FKTN: variants seen among roughly 807,000 people sequenced by gnomAD.
FKTN encodes the protein fukutin.
A neutral mutation model predicts 58.6 loss-of-function variants in FKTN; 47 were observed. That is an observed-to-expected ratio of 0.80 (90% CI 0.63 to 1.02). The LOEUF is 1.02. Ranked by LOEUF, FKTN falls within the 50% of genes least tolerant of loss-of-function variation. The pLI is 0.00. For missense variants in FKTN, 516 were observed against 537.3 expected (o/e 0.96, Z 0.39); for synonymous variants, 178 against 191.9 (o/e 0.93, Z 0.60).
chr9:105,562,320 C>G (rs552851754), intron 1 of FKTN, among the ~76,000 whole-genome samples: 1 of 152,276 alleles, frequency 6.6e-6, no homozygotes, highest in East Asian at 1.9e-4. Flanking sequence ...ATGAGGGCTG[C>G]TGGTTGGCTG....
intron 1 of FKTN, among the ~76,000 whole-genome samples, chr9:105,563,633 G>A (rs1479666947): frequency 6.6e-6 from 1 of 152,054 alleles, no homozygotes; most frequent in Non-Finnish European, 1.5e-5. Context: ...TGAGGCTTGA[G>A]TAGATAAACA....
chr9:105,603,638 C>A (rs1828302475), intron 5 of FKTN: 1 of 152,706 alleles, frequency 6.5e-6, no homozygotes, highest in Non-Finnish European at 1.5e-5. Flanking sequence ...CATTCTCATT[C>A]CAAGGAAGGG....
intron 3 of FKTN, among the ~76,000 whole-genome samples, chr9:105,595,085 G>T (rs1361715004): frequency 6.6e-6 from 1 of 152,088 alleles, no homozygotes; most frequent in Non-Finnish European, 1.5e-5. Context: ...GATGTAAAAG[G>T]CCACATATAT....
Position 105,640,084 on chromosome 9 carries a change from G to A in FKTN, c.*4820G>A, listed in dbSNP as rs1834317936. ...TTCTACTTTCTGCCCTCAAATTTCT[G>A]TTTCTATCTCAACTAGGCAAGAATC... is the stretch of plus-strand genomic sequence containing the variant. On this transcript the variant is annotated 3_prime_UTR_variant, in exon 11 of 11. Coordinates refer to ENST00000357998, the MANE Select transcript of FKTN (RefSeq NM_001079802.2). The A allele has an allele frequency of 1.3e-6, 2 of 1,535,038 alleles. No individual in the cohort carries two copies. The highest frequency in any genetic ancestry group is 1.2e-5 in the South Asian group (1 of 84,046).
chr9:105,597,919 G>A (rs77227309), intron 4 of FKTN, among the ~76,000 whole-genome samples: 3,785 of 152,012 alleles, frequency 0.025, 176 homozygotes, highest in African/African-American at 0.087. Context: ...TTCCTTTATC[G>A]GTATTAACCA....
intron 4 of FKTN, 191 bp from the exon 5 acceptor site, chr9:105,600,954 T>C: frequency 3.8e-6 from 2 of 527,740 alleles, no homozygotes; most frequent in South Asian, 4.6e-5. Context: ...TCATCTTTCT[T>C]AGAAGACTGC....
At chr9:105,633,753 G>A (rs10978176) in intron 10 of FKTN, among the ~76,000 whole-genome samples, 19,247 of 152,100 alleles carry the variant, frequency 0.13, 1,585 homozygotes, top group East Asian at 0.46. Flanking sequence ...TTTCATGTAT[G>A]GCTTTATGTT....
At chr9:105,610,120 G>A (rs749663143) in intron 7 of FKTN, among the ~76,000 whole-genome samples, 15 of 151,118 alleles carry the variant, frequency 9.9e-5, no homozygotes, top group South Asian at 6.2e-4. Flanking sequence ...ACTTGTCTCC[G>A]TTGTTTTTTG....
intron 6 of FKTN, among the ~76,000 whole-genome samples, chr9:105,604,990 T>C (rs1828622978): frequency 6.6e-6 from 1 of 151,194 alleles, no homozygotes. Context: ...GAATAAATAA[T>C]TTTTGATATA....
intron 10 of FKTN, among the ~76,000 whole-genome samples, chr9:105,625,589 A>G (rs1273850778): frequency 6.6e-6 from 1 of 152,142 alleles, no homozygotes; most frequent in African/African-American, 2.4e-5. Context: ...CCTATGCTAA[A>G]CAGGAGGTGA....
intron 3 of FKTN, among the ~76,000 whole-genome samples, chr9:105,582,035 T>G (rs1459358830): frequency 6.6e-6 from 1 of 152,032 alleles, no homozygotes; most frequent in African/African-American, 2.4e-5. Flanking sequence ...TCGCGCACGG[T>G]GCGCGCACCC....
intron 4 of FKTN, among the ~76,000 whole-genome samples, chr9:105,599,428 G>A (rs987274761): frequency 1.3e-5 from 2 of 150,366 alleles, no homozygotes; most frequent in African/African-American, 4.9e-5. Flanking sequence ...GTGTTCATGA[G>A]GGATGGTGGA....
At chr9:105,583,248 T>G (rs1843346529) in intron 3 of FKTN, among the ~76,000 whole-genome samples, 2 of 152,314 alleles carry the variant, frequency 1.3e-5, no homozygotes, top group African/African-American at 4.8e-5. Context: ...AACATTTAAT[T>G]CTTAAAACAA....
intron 10 of FKTN, among the ~76,000 whole-genome samples, chr9:105,631,865 C>A (rs1386931273): frequency 3.3e-5 from 5 of 150,980 alleles, no homozygotes; most frequent in African/African-American, 7.3e-5. Context: ...TGTGGCGACT[C>A]CTCAGGGATC....
intron 1 of FKTN, among the ~76,000 whole-genome samples, chr9:105,566,633 T>C (rs1169826842): frequency 1.3e-5 from 2 of 152,128 alleles, no homozygotes; most frequent in Non-Finnish European, 2.9e-5. Context: ...TAACAGGCTC[T>C]GAAATTGAGG....
Position 105,619,984 on chromosome 9 carries a change from T to G in FKTN, c.1095T>G (p.Leu365=). The G allele has an allele frequency of 6.2e-7, 1 of 1,612,746 alleles. No homozygotes were observed. The highest frequency in any genetic ancestry group is 8.5e-7 in the Non-Finnish European group (1 of 1,178,998). ...TCCAGGGAAAAGATGATGTAAAACT[T>G]GATGTTTTTTTCTTCTATGAAGAAA... ...LSFQGKDDVK[L]DVFFFYEETD... Residue 365 remains leucine (L), a synonymous_variant, in exon 10 of 11, where the codon CTT becomes CTG. Coordinates refer to ENST00000357998, the MANE Select transcript of FKTN (RefSeq NM_001079802.2).
At chr9:105,634,355 A>C (rs904109552) in intron 10 of FKTN, among the ~76,000 whole-genome samples, 1 of 152,090 alleles carries the variant, frequency 6.6e-6, no homozygotes, top group Non-Finnish European at 1.5e-5. Context: ...GCTGGTCTCG[A>C]ACTTCTGGCC....
chr9:105,569,742 A>G (rs1029512351), intron 1 of FKTN, among the ~76,000 whole-genome samples: 1 of 152,232 alleles, frequency 6.6e-6, no homozygotes, highest in Non-Finnish European at 1.5e-5. Context: ...TATTTGCATT[A>G]GAACTTTAAG....
At chr9:105,584,116 T>C (rs1246301228) in intron 3 of FKTN, among the ~76,000 whole-genome samples, 1 of 152,204 alleles carries the variant, frequency 6.6e-6, no homozygotes, top group East Asian at 1.9e-4. Flanking sequence ...TCTAAATGCC[T>C]TTGTTTCCTT....
Sources: allele counts gnomAD v4.1 joint callset (sites outside exome capture counted in the v4.1 genomes callset), GRCh38; gene constraint gnomAD v4.1.1; transcripts MANE v1.5; gene names NCBI Gene and HGNC (gene_info 2026-07-23, HGNC 2026-07-21).